Variants in B3GALNT2 observed in about 807,000 individuals in gnomAD.
The protein encoded by B3GALNT2 is UDP-GalNAc:beta-1,3-N-acetylgalactosaminyltransferase 2.
A neutral mutation model predicts 61.1 loss-of-function variants in B3GALNT2; 53 were observed. The observed-to-expected ratio is 0.87, with a 90% CI of 0.70 to 1.09. B3GALNT2 has a LOEUF of 1.09. Ranked by LOEUF, B3GALNT2 falls within the 50% of genes least tolerant of loss-of-function variation. The probability of loss-of-function intolerance (pLI) is 0.00; values close to 1 mark genes in which losing one functional copy is unlikely to be tolerated. For missense variants in B3GALNT2, 544 were observed against 623.0 expected (o/e 0.87, Z 1.35); for synonymous variants, 223 against 237.4 (o/e 0.94, Z 0.56).
intron 5 of B3GALNT2, among the ~76,000 whole-genome samples, chr1:235,473,935 T>G (rs1005820051): frequency 6.6e-6 from 1 of 152,214 alleles, no homozygotes; most frequent in Non-Finnish European, 1.5e-5. Context: ...GGCACCCAAC[T>G]CCATTTTGTC....
chr1:235,489,097 T>C (rs867901176), intron 3 of B3GALNT2, 71 bp downstream of exon 3: 79 of 1,541,718 alleles, frequency 5.1e-5, no homozygotes, highest in Middle Eastern at 3.5e-4. Context: ...ACAGACTCCA[T>C]ACTATTAAGC....
chr1:235,480,301 C>T, intron 4 of B3GALNT2, 152 bp from the exon 5 acceptor site: 10 of 1,232,380 alleles, frequency 8.1e-6, no homozygotes, highest in Non-Finnish European at 1.1e-5. Context: ...TTTGGCATCA[C>T]TGGGTTTTCT....
chr1:235,486,583 C>T (rs1684816979), intron 3 of B3GALNT2, among the ~76,000 whole-genome samples: 2 of 152,150 alleles, frequency 1.3e-5, no homozygotes, highest in South Asian at 4.1e-4. Context: ...ATAACCATAA[C>T]TGCCTTTGGA....
In B3GALNT2 at chr1:235,448,322, G is replaced by C. The variant is rs111876307; in HGVS notation, c.*1884C>G. The C allele has an allele frequency of 5.0e-6, 8 of 1,600,970 alleles. No homozygotes were observed. The African/African-American group carries it at 6.7e-5, about 13-fold the overall frequency. On this transcript the variant is annotated 3_prime_UTR_variant, in exon 12 of 12. Transcript: ENST00000366600. ...ACAGGTAACTGTCATTTGAGAGAAC[G>C]AATGGACTTTTCTTGTCTTTTGATA... is the stretch of plus-strand genomic sequence containing the variant.
chr1:235,440,414 T>C, the B3GALNT2 span, among the ~76,000 whole-genome samples: 2 of 151,804 alleles, frequency 1.3e-5, no homozygotes, highest in Non-Finnish European at 2.9e-5. Context: ...TTTTTTGAGA[T>C]GGTGTTTCGC....
intron 4 of B3GALNT2, among the ~76,000 whole-genome samples, chr1:235,480,871 A>G (rs948152760): frequency 4.8e-5 from 6 of 124,308 alleles, no homozygotes; most frequent in African/African-American, 1.9e-4. Context: ...GCACCACTGC[A>G]CTCCAGCCTG....
chr1:235,446,916 T>C (rs1401098748), downstream of B3GALNT2, among the ~76,000 whole-genome samples: 1 of 152,130 alleles, frequency 6.6e-6, no homozygotes, highest in African/African-American at 2.4e-5. Context: ...ATTCCTGGGC[T>C]CTGATCCCTC....
chr1:235,451,421 A>T (rs1044544750), intron 11 of B3GALNT2: 2 of 145,974 alleles, frequency 1.4e-5, no homozygotes, highest in Non-Finnish European at 3.0e-5. Context: ...TCCTCTCTGT[A>T]GGAATGCATT....
chr1:235,448,396 A>C lies in B3GALNT2; in HGVS notation c.*1810T>G. ...GAAGGGATTGCTGTCACGTCTTCTC[A>C]AAGTTCCTGTGTCAGACCTTCTGTT... On this transcript the variant is annotated 3_prime_UTR_variant, in exon 12 of 12. Transcript: ENST00000366600. The C allele has an allele frequency of 6.2e-7, 1 of 1,614,108 alleles. No homozygotes were observed. The highest frequency in any genetic ancestry group is 2.2e-5 in the East Asian group (1 of 44,882).
chr1:235,492,255 G>A (rs1321678375), intron 2 of B3GALNT2, among the ~76,000 whole-genome samples: 1 of 152,152 alleles, frequency 6.6e-6, no homozygotes, highest in Non-Finnish European at 1.5e-5. Flanking sequence ...AAACAGAAAT[G>A]AATAAATGTG....
chr1:235,469,610 T>G (rs942051757), intron 6 of B3GALNT2, among the ~76,000 whole-genome samples: 2 of 152,086 alleles, frequency 1.3e-5, no homozygotes, highest in Non-Finnish European at 2.9e-5. Flanking sequence ...TGGAGTGCAG[T>G]GGCATGATCC....
chr1:235,480,176 A>G (rs1684492745), intron 4 of B3GALNT2, 27 bp from the exon 5 acceptor site: 1 of 1,612,060 alleles, frequency 6.2e-7, no homozygotes. Flanking sequence ...AAAGACAAGA[A>G]AAAATACTTC....
intron 5 of B3GALNT2, chr1:235,479,687 C>T: frequency 6.1e-6 from 1 of 163,716 alleles, no homozygotes; most frequent in Non-Finnish European, 1.3e-5. Context: ...TCTTTTCATT[C>T]TTTAGATAAG....
At chr1:235,479,962 C>T (rs1684478316) in intron 5 of B3GALNT2, 92 bp downstream of exon 5, 2 of 1,538,468 alleles carry the variant, frequency 1.3e-6, no homozygotes, top group South Asian at 1.3e-5. Flanking sequence ...TGCCCTGGTA[C>T]AAGAAAATAT....
downstream of B3GALNT2, chr1:235,442,806 T>C: frequency 6.4e-7 from 1 of 1,570,226 alleles, no homozygotes. Flanking sequence ...TTTAAATCCA[T>C]ATAATAGTAG....
rs1682703320 is a variant in B3GALNT2, at chr1:235,448,981, C to CTTAT, written c.*1221_*1224dup. Reference sequence around the variant, plus strand: ...TTGAACCTACTAATGATTTTCTGATCTTATTTCATATTTATTTTTACAGCT... The same window carrying CTTAT: ...TTGAACCTACTAATGATTTTCTGATCTTATTTATTTCATATTTATTTTTACAGCT... On this transcript the variant is annotated 3_prime_UTR_variant, in exon 12 of 12. Coordinates refer to ENST00000366600, the MANE Select transcript of B3GALNT2 (RefSeq NM_152490.5). 4.3e-6 allele frequency: 2 copies of CTTAT among 465,248 alleles called. No individual in the cohort carries two copies. The highest frequency in any genetic ancestry group is 4.3e-5 in the South Asian group (2 of 47,026). 28.8% of individuals were successfully genotyped at this position (465,248 alleles called of 1,614,324 possible). A position where few individuals can be genotyped will look rare whatever the true frequency, so the allele number is the denominator to read the frequency against.
intron 5 of B3GALNT2, among the ~76,000 whole-genome samples, chr1:235,474,108 T>C (rs1684129008): frequency 6.6e-6 from 1 of 152,216 alleles, no homozygotes; most frequent in African/African-American, 2.4e-5. Flanking sequence ...CTTCCACCTA[T>C]CTCCTAAACC....
At chr1:235,441,800 G>A in the B3GALNT2 span, 1 of 1,612,988 alleles carries the variant, frequency 6.2e-7, no homozygotes. Flanking sequence ...CATCTCTTTT[G>A]CTTTCTTAAA....
At chr1:235,484,116 A>G (rs1410119858) in intron 4 of B3GALNT2, among the ~76,000 whole-genome samples, 3 of 152,180 alleles carry the variant, frequency 2.0e-5, no homozygotes, top group Admixed American at 6.5e-5. Flanking sequence ...TCTTCTAGAT[A>G]TAGCACATTT....
Sources: allele counts gnomAD v4.1 joint callset (sites outside exome capture counted in the v4.1 genomes callset), GRCh38; gene constraint gnomAD v4.1.1; transcripts MANE v1.5; gene names NCBI Gene and HGNC (gene_info 2026-07-23, HGNC 2026-07-21).